ATP2C1: variants seen among roughly 807,000 people sequenced by gnomAD.
The protein encoded by ATP2C1 is calcium-transporting ATPase type 2C member 1.
In ATP2C1, 31 loss-of-function variants were observed where a neutral mutation model predicts 120.5. The observed-to-expected ratio is 0.26, with a 90% CI of 0.19 to 0.35. The LOEUF (loss-of-function observed/expected upper bound fraction) is 0.35. Among genes scored for constraint, ATP2C1 ranks in the 10% least tolerant of loss-of-function variants. The pLI is 1.00. For synonymous variants in ATP2C1, 351 were observed against 358.7 expected (o/e 0.98, Z 0.24); for missense variants, 731 against 1,107.5 (o/e 0.66, Z 4.83).
At chr3:130,859,367 T>A (rs1242049280) in intron 1 of ATP2C1, among the ~76,000 whole-genome samples, 1 of 152,216 alleles carries the variant, frequency 6.6e-6, no homozygotes, top group East Asian at 1.9e-4. Flanking sequence ...GCTATGTACC[T>A]GTGACTAGCT....
chr3:130,965,296 A>G (rs1559984060), intron 14 of ATP2C1, among the ~76,000 whole-genome samples: 1 of 151,924 alleles, frequency 6.6e-6, no homozygotes, highest in Non-Finnish European at 1.5e-5. Context: ...ATCAAATCCT[A>G]CCAATTTTGA....
At chr3:130,979,111 T>A in intron 18 of ATP2C1, 138 bp from the exon 19 acceptor site, 1 of 826,000 alleles carries the variant, frequency 1.2e-6, no homozygotes, top group Non-Finnish European at 1.9e-6. Context: ...CTGTAATCAT[T>A]TTGATTTTAC....
downstream of ATP2C1, among the ~76,000 whole-genome samples, chr3:131,005,017 G>C (rs935835697): frequency 6.6e-6 from 1 of 151,660 alleles, no homozygotes; most frequent in African/African-American, 2.4e-5. Flanking sequence ...GAAATAGGGA[G>C]ACCAATTAGA....
chr3:130,902,487 A>T (rs2108007066), intron 2 of ATP2C1, among the ~76,000 whole-genome samples: 1 of 151,872 alleles, frequency 6.6e-6, no homozygotes, highest in South Asian at 2.1e-4. Context: ...AATGAAGTTA[A>T]ACCCTTAGTG....
At chr3:130,890,982 C>T (rs148553743), upstream of ATP2C1, among the ~76,000 whole-genome samples, 2,741 of 152,240 alleles carry the variant, frequency 0.018, 40 homozygotes, top group Non-Finnish European at 0.024. Context: ...TAGGCCGAGG[C>T]AAGAGGATCT....
chr3:130,933,488 T>G (rs1367563200), intron 4 of ATP2C1, among the ~76,000 whole-genome samples: 1 of 152,210 alleles, frequency 6.6e-6, no homozygotes, highest in East Asian at 1.9e-4. Context: ...TTTTACCAGA[T>G]GAAGAATCTG....
chr3:131,000,154 A>AT (rs1047363153), intron 27 of ATP2C1, among the ~76,000 whole-genome samples: 34 of 152,318 alleles, frequency 2.2e-4, no homozygotes, highest in Admixed American at 1.2e-3. Context: ...TTTTTCTTAC[A>AT]TTACCATTTA....
chr3:130,854,441 T>C (rs967757843), intron 1 of ATP2C1, among the ~76,000 whole-genome samples: 8 of 152,320 alleles, frequency 5.3e-5, no homozygotes, highest in Admixed American at 1.3e-4. Context: ...TATTTTGGTC[T>C]GAGGGCAACA....
rs1347267352 is a variant in ATP2C1, at chr3:130,959,136, T to G, written c.833-139T>G. On this transcript the variant is annotated intron_variant, in intron 11 of 27. Transcript: ENST00000510168. ...ACTTTAACCTCCCCTGTTTAATGGA[T>G]TTTTATAAAATCTTCTAATTGTGAT... The G allele has an allele frequency of 4.7e-6, 3 of 642,904 alleles. No individual in the cohort carries two copies. In the East Asian group the frequency reaches 8.9e-5, roughly 19 times the overall value. The allele number at this position is 642,904 out of a possible 1,614,324, so 39.8% of individuals were successfully genotyped here.
chr3:130,900,984 A>G (rs572229122), intron 2 of ATP2C1, among the ~76,000 whole-genome samples: 3 of 152,220 alleles, frequency 2.0e-5, no homozygotes, highest in South Asian at 2.1e-4. Flanking sequence ...CTAGGTTTCT[A>G]CATCATCAGG....
intron 1 of ATP2C1, chr3:130,869,281 AAC>A: frequency 6.2e-6 from 1 of 161,838 alleles, no homozygotes; most frequent in Admixed American, 6.6e-5. Context: ...CAGGGACACA[AAC>A]ACTGCGGAAG....
chr3:130,976,244 C>T (rs1225033836), intron 18 of ATP2C1, among the ~76,000 whole-genome samples: 2 of 152,200 alleles, frequency 1.3e-5, no homozygotes, highest in Admixed American at 1.3e-4. Context: ...TTGTTGTTCA[C>T]TTAAGCAAAG....
intron 2 of ATP2C1, among the ~76,000 whole-genome samples, chr3:130,921,079 C>CTT (rs1170193033): frequency 0.015 from 1,889 of 128,472 alleles, 85 homozygotes; most frequent in African/African-American, 0.052. Context: ...AGTTTTCTTT[C>CTT]TTTTTTTTTT....
intron 2 of ATP2C1, among the ~76,000 whole-genome samples, chr3:130,924,454 A>T (rs990592196): frequency 1.3e-5 from 2 of 152,112 alleles, no homozygotes; most frequent in African/African-American, 4.8e-5. Flanking sequence ...TGTTAATCTG[A>T]TAGGTTTTTC....
chr3:130,911,284 C>T (rs1336590765), intron 2 of ATP2C1, among the ~76,000 whole-genome samples: 4 of 148,066 alleles, frequency 2.7e-5, no homozygotes, highest in Non-Finnish European at 4.5e-5. Flanking sequence ...TCTGTGGGAT[C>T]GGTAGTGATA....
rs114082300 is a variant in ATP2C1 at position 130,924,674 on chromosome 3, T to C, written c.7-5742T>C. On this transcript the variant is annotated intron_variant, in intron 2 of 27. Transcript: ENST00000510168. The stretch of plus-strand genomic sequence containing the variant: ...TTCCTGAAATATGTTTTCCAAACTT[T>C]CAAATTTCTTTTCTTCCTCAGGAAC... Among the ~76,000 whole-genome samples the C allele has an allele frequency of 7.6e-3, 1,154 of 152,350 alleles. 18 individuals are homozygous for C. Among genetic ancestry groups the C allele is most frequent in the African/African-American group, 0.026 (1,099 of 41,582 alleles).
intron 6 of ATP2C1, 40 bp from the exon 7 acceptor site, chr3:130,940,590 T>G: frequency 1.5e-6 from 2 of 1,355,084 alleles, no homozygotes. Flanking sequence ...AATATATTCA[T>G]GGGAGCAAAA....
chr3:130,992,624 G>T (rs1391545362), intron 20 of ATP2C1, among the ~76,000 whole-genome samples: 1 of 152,172 alleles, frequency 6.6e-6, no homozygotes, highest in Non-Finnish European at 1.5e-5. Flanking sequence ...AGTGTCATAG[G>T]AAACAGACGC....
intron 1 of ATP2C1, among the ~76,000 whole-genome samples, chr3:130,872,447 A>T (rs889799971): frequency 1.3e-5 from 2 of 152,126 alleles, no homozygotes; most frequent in African/African-American, 4.8e-5. Flanking sequence ...ACATGTCTCA[A>T]TTACCTATTG....
Sources: gnomAD v4.1 joint callset for allele counts (sites outside exome capture counted in the v4.1 genomes callset) on GRCh38, gnomAD v4.1.1 for gene constraint, MANE v1.5 for transcripts, NCBI Gene and HGNC (gene_info 2026-07-23, HGNC 2026-07-21) for gene names.